Variants in DLGAP2 observed in about 807,000 individuals in gnomAD.
DLGAP2 encodes disks large-associated protein 2.
Under a neutral mutation model 100.3 loss-of-function variants are expected in DLGAP2, and 26 were observed. That is an observed-to-expected ratio of 0.26 (90% confidence interval 0.19 to 0.36). DLGAP2 has a LOEUF of 0.36. Ranked by LOEUF, DLGAP2 falls within the 10% of genes least tolerant of loss-of-function variation. The pLI is 1.00. For missense variants in DLGAP2, 1,858 were observed against 1,453.2 expected (o/e 1.28, Z -4.53); for synonymous variants, 886 against 630.1 (o/e 1.41, Z -6.08).
chr8:740,676 T>C (rs1820461040), intron 1 of DLGAP2, among the ~76,000 whole-genome samples: 1 of 152,182 alleles, frequency 6.6e-6, no homozygotes, highest in Middle Eastern at 3.2e-3. Flanking sequence ...TGAGAGGATT[T>C]TGTTTTGTTT....
At position 1,041,103 on chromosome 8, in the gene DLGAP2, G is replaced by T. The variant is rs77701446; in HGVS notation, c.73+133137G>T. 8.8e-4 allele frequency among the ~76,000 whole-genome samples: 134 copies of T among 152,260 alleles called. 1 individual carries two copies. The highest frequency in any genetic ancestry group is 3.1e-3 in the African/African-American group (129 of 41,546). On this transcript the variant is annotated intron_variant, in intron 2 of 14. Transcript: ENST00000637795. ...CTGCTCTCCTCTTTCCTAAGGGGAGGTATCTGTCCTCGGCAATGGATATGG... is the reference window on the plus strand; with the variant it reads ...CTGCTCTCCTCTTTCCTAAGGGGAGTTATCTGTCCTCGGCAATGGATATGG...
At chr8:1,504,144 C>G (rs79416434) in intron 4 of DLGAP2, among the ~76,000 whole-genome samples, 1 of 151,224 alleles carries the variant, frequency 6.6e-6, no homozygotes, top group South Asian at 2.1e-4. Context: ...CCAGGCCCCA[C>G]CTGATGTATT....
At chr8:1,322,646 CA>C (rs1302785969) in intron 3 of DLGAP2, among the ~76,000 whole-genome samples, 2 of 151,906 alleles carry the variant, frequency 1.3e-5, no homozygotes, top group Admixed American at 6.6e-5. Context: ...TGTATTGTTC[CA>C]TGGAAATGCA....
rs565338945 is a variant in DLGAP2 at position 1,304,017 on chromosome 8, A to T, written c.106+45134A>T. Among the ~76,000 whole-genome samples the T allele has an allele frequency of 3.3e-5, 5 of 152,312 alleles. No individual in the cohort carries two copies. The East Asian group carries it at 9.6e-4, about 29-fold the overall frequency. ...GCAGACCCTGGAAGGCTGCTTAGCC[A>T]CTCAGCCTTTTCCAGACAGCTCATT... On this transcript the variant is annotated intron_variant, in intron 3 of 14. Transcript: ENST00000637795.
At chr8:1,177,592 C>G (rs906511737) in intron 2 of DLGAP2, among the ~76,000 whole-genome samples, 4 of 152,150 alleles carry the variant, frequency 2.6e-5, no homozygotes, top group African/African-American at 7.2e-5. Context: ...ACATTTCAAC[C>G]TCAGAGAAAA....
At chr8:1,093,433 ACAGT>A (rs1486898006) in intron 2 of DLGAP2, among the ~76,000 whole-genome samples, 5 of 151,872 alleles carry the variant, frequency 3.3e-5, no homozygotes, top group East Asian at 1.9e-4. Context: ...CTTCACACCG[ACAGT>A]CAGACAGAAA....
chr8:866,290 T>C (rs1563070694), intron 1 of DLGAP2, among the ~76,000 whole-genome samples: 1 of 152,194 alleles, frequency 6.6e-6, no homozygotes. Context: ...CAAGGGGCCC[T>C]GATTCCCCCT....
intron 1 of DLGAP2, chr8:753,567 G>C (rs2132577280): frequency 6.6e-6 from 1 of 152,454 alleles, no homozygotes; most frequent in South Asian, 2.1e-4. Flanking sequence ...CTGAGAGGGA[G>C]GCACAGATGC....
chr8:1,512,421 G>A (rs755161330), intron 4 of DLGAP2, among the ~76,000 whole-genome samples: 1 of 152,162 alleles, frequency 6.6e-6, no homozygotes, highest in Non-Finnish European at 1.5e-5. Flanking sequence ...TAGGGACGGG[G>A]CCAGCGTGGG....
At chr8:1,624,819 C>T (rs1216505969) in intron 6 of DLGAP2, among the ~76,000 whole-genome samples, 1 of 151,770 alleles carries the variant, frequency 6.6e-6, no homozygotes, top group African/African-American at 2.4e-5. Context: ...TTAGAATCAG[C>T]TCAAAACTAA....
intron 8 of DLGAP2, among the ~76,000 whole-genome samples, chr8:1,657,971 G>A (rs953271701): frequency 2.0e-5 from 3 of 152,136 alleles, no homozygotes; most frequent in African/African-American, 7.2e-5. Context: ...CTTATGCTGA[G>A]GGAGCAGATC....
At chr8:1,388,517 A>G (rs56177851) in intron 3 of DLGAP2, among the ~76,000 whole-genome samples, 4 of 47,692 alleles carry the variant, frequency 8.4e-5, no homozygotes, top group Non-Finnish European at 1.5e-4. Context: ...GCCGTGGATG[A>G]GGAGGCGCTG....
intron 2 of DLGAP2, among the ~76,000 whole-genome samples, chr8:1,009,318 G>A (rs1396258005): frequency 6.6e-6 from 1 of 152,166 alleles, no homozygotes; most frequent in East Asian, 1.9e-4. Flanking sequence ...CATTTTATTA[G>A]AACATTTCAT....
At chr8:971,813 G>A (rs1487642091) in intron 2 of DLGAP2, among the ~76,000 whole-genome samples, 1 of 152,170 alleles carries the variant, frequency 6.6e-6, no homozygotes, top group Admixed American at 6.5e-5. Context: ...TGAGAGTGAA[G>A]GGGAATTCTC....
At chr8:1,074,476 C>A (rs9314422) in intron 2 of DLGAP2, among the ~76,000 whole-genome samples, 22,970 of 152,248 alleles carry the variant, frequency 0.15, 2,231 homozygotes, top group Non-Finnish European at 0.22. Flanking sequence ...GAAACCCTTT[C>A]ATGTGGGACA....
rs1296563517 is a variant in DLGAP2 at position 792,924 on chromosome 8, G to A, written c.18+55099G>A. 2.0e-5 allele frequency among the ~76,000 whole-genome samples: 3 copies of A among 152,068 alleles called. No homozygotes were observed. The East Asian group carries it at 5.8e-4, about 29-fold the overall frequency. On this transcript the variant is annotated intron_variant, in intron 1 of 14. Coordinates refer to ENST00000637795, the MANE Select transcript of DLGAP2 (RefSeq NM_001346810.2). Reference sequence around the variant, plus strand: ...TTTTCACTTCCCACGCATTTCTATTGTGCTTTTCTATCAGCACCTTTTACC... The same window carrying A: ...TTTTCACTTCCCACGCATTTCTATTATGCTTTTCTATCAGCACCTTTTACC...
intron 3 of DLGAP2, among the ~76,000 whole-genome samples, chr8:1,481,581 T>C (rs1012438452): frequency 7.1e-6 from 1 of 141,254 alleles, no homozygotes; most frequent in Non-Finnish European, 1.5e-5. Context: ...CAGGTTGAAG[T>C]GATTCTACTG....
At chr8:863,147 G>T (rs1037355356) in intron 1 of DLGAP2, among the ~76,000 whole-genome samples, 1 of 152,128 alleles carries the variant, frequency 6.6e-6, no homozygotes, top group Non-Finnish European at 1.5e-5. Flanking sequence ...TGTTGCTCAC[G>T]GCCAAGGAGG....
chr8:1,003,255 C>T (rs936648129), intron 2 of DLGAP2: 25 of 152,254 alleles, frequency 1.6e-4, no homozygotes, highest in African/African-American at 6.0e-4. Flanking sequence ...AATGCACTGC[C>T]CTCTTCCTTC....
Sources: gnomAD v4.1 joint callset for allele counts (sites outside exome capture counted in the v4.1 genomes callset) on GRCh38, gnomAD v4.1.1 for gene constraint, MANE v1.5 for transcripts, NCBI Gene and HGNC (gene_info 2026-07-23, HGNC 2026-07-21) for gene names.